COL25A1: variants seen among roughly 807,000 people sequenced by gnomAD.
The protein encoded by COL25A1 is collagen type XXV alpha 1 chain, also known as collagen alpha-1(XXV) chain.
Under a neutral mutation model 128.4 loss-of-function variants are expected in COL25A1, and 103 were observed. That is an observed-to-expected ratio of 0.80 (90% confidence interval 0.68 to 0.94). The LOEUF (loss-of-function observed/expected upper bound fraction) is 0.94. COL25A1 is among the 40% of genes least tolerant of loss of function. The pLI is 0.00. For synonymous variants in COL25A1, 279 were observed against 277.2 expected, an observed-to-expected ratio of 1.01 and a Z score of -0.06; for missense variants, 745 against 840.0, an observed-to-expected ratio of 0.89 and a Z score of 1.40.
chr4:108,917,752 A>T (rs1377941948), intron 13 of COL25A1, among the ~76,000 whole-genome samples: 1 of 152,244 alleles, frequency 6.6e-6, no homozygotes, highest in East Asian at 1.9e-4. Flanking sequence ...GGATTCAGAA[A>T]GTTTGACTAG....
At chr4:109,177,276 T>C (rs1774189484) in intron 3 of COL25A1, among the ~76,000 whole-genome samples, 1 of 152,140 alleles carries the variant, frequency 6.6e-6, no homozygotes, top group Non-Finnish European at 1.5e-5. Context: ...TCATTGTCTG[T>C]AGAGTGAGGG....
chr4:108,903,400 C>T (rs1021197515), intron 13 of COL25A1, among the ~76,000 whole-genome samples: 9 of 151,934 alleles, frequency 5.9e-5, no homozygotes, highest in Admixed American at 2.0e-4. Flanking sequence ...AATCTTTATA[C>T]GCACATTTGT....
chr4:109,066,062 G>A (rs1261035541), intron 3 of COL25A1, among the ~76,000 whole-genome samples: 1 of 152,098 alleles, frequency 6.6e-6, no homozygotes, highest in East Asian at 1.9e-4. Context: ...TTGAAGCAAA[G>A]CTTAGTGACA....
chr4:108,880,133 G>T (rs1739952643), intron 19 of COL25A1, among the ~76,000 whole-genome samples: 1 of 152,264 alleles, frequency 6.6e-6, no homozygotes, highest in Admixed American at 6.5e-5. Flanking sequence ...TATGAAAAAT[G>T]TCTTGGGTTA....
intron 13 of COL25A1, among the ~76,000 whole-genome samples, chr4:108,909,295 C>G (rs1743926001): frequency 6.6e-6 from 1 of 152,194 alleles, no homozygotes; most frequent in Admixed American, 6.5e-5. Context: ...CAGTTTCAAT[C>G]TCTTTGTCCA....
chr4:109,044,520 T>C (rs1760234779), intron 5 of COL25A1, among the ~76,000 whole-genome samples: 1 of 152,166 alleles, frequency 6.6e-6, no homozygotes, highest in Admixed American at 6.5e-5. Flanking sequence ...TTGGAGCACA[T>C]TTCATAATGA....
At chr4:109,127,056 G>C (rs78581373) in intron 3 of COL25A1, among the ~76,000 whole-genome samples, 1 of 152,178 alleles carries the variant, frequency 6.6e-6, no homozygotes, top group African/African-American at 2.4e-5. Flanking sequence ...CTTCAGAAGA[G>C]TGAATAAGAA....
intron 3 of COL25A1, among the ~76,000 whole-genome samples, chr4:109,249,544 A>G (rs1459041936): frequency 2.6e-5 from 4 of 152,192 alleles, no homozygotes; most frequent in African/African-American, 4.8e-5. Flanking sequence ...TCAGTATAAT[A>G]CAGTAAATAA....
At chr4:109,111,508 A>G (rs3113725) in intron 3 of COL25A1, among the ~76,000 whole-genome samples, 32,292 of 152,004 alleles carry the variant, frequency 0.21, 4,081 homozygotes, top group East Asian at 0.39. Flanking sequence ...ATGTGCCCTC[A>G]CTGTCTTGCA....
At chr4:109,195,748 A>G (rs1011507293) in intron 3 of COL25A1, among the ~76,000 whole-genome samples, 1 of 152,220 alleles carries the variant, frequency 6.6e-6, no homozygotes, top group African/African-American at 2.4e-5. Flanking sequence ...ACTGGGTCCC[A>G]CATGCTGTGA....
At chr4:109,111,015 T>C (rs567967643) in intron 3 of COL25A1, among the ~76,000 whole-genome samples, 98 of 152,316 alleles carry the variant, frequency 6.4e-4, no homozygotes, top group Middle Eastern at 3.4e-3. Flanking sequence ...GCATTTTTCA[T>C]TGTCTACAGG....
At chr4:108,902,917 A>AT (rs1743011439) in intron 13 of COL25A1, among the ~76,000 whole-genome samples, 1 of 152,006 alleles carries the variant, frequency 6.6e-6, no homozygotes, top group African/African-American at 2.4e-5. Context: ...AAAAAGACCT[A>AT]TGGAGTCTGC....
intron 31 of COL25A1, among the ~76,000 whole-genome samples, chr4:108,835,154 T>A (rs1283367993): frequency 6.6e-6 from 1 of 152,350 alleles, no homozygotes; most frequent in East Asian, 1.9e-4. Flanking sequence ...AATGCATGCT[T>A]TTCTTCACTT....
intron 6 of COL25A1, among the ~76,000 whole-genome samples, chr4:109,009,833 C>T (rs1297661179): frequency 6.6e-6 from 1 of 152,132 alleles, no homozygotes; most frequent in African/African-American, 2.4e-5. Context: ...AAAATTTGCT[C>T]ATTTTCTTCA....
intron 9 of COL25A1, among the ~76,000 whole-genome samples, chr4:108,940,895 A>G (rs913913908): frequency 1.3e-5 from 2 of 152,218 alleles, no homozygotes; most frequent in South Asian, 4.1e-4. Flanking sequence ...AGTTCTTGGA[A>G]ATAGTGTGTA....
intron 3 of COL25A1, among the ~76,000 whole-genome samples, chr4:109,203,029 C>T (rs1776699427): frequency 6.6e-6 from 1 of 151,908 alleles, no homozygotes; most frequent in South Asian, 2.1e-4. Context: ...ACCTTCTTCC[C>T]CCAAAAGTCC....
chr4:108,942,121 C>G (rs1440710810), intron 8 of COL25A1: 1 of 1,347,582 alleles, frequency 7.4e-7, no homozygotes, highest in East Asian at 2.5e-5. Context: ...AGGAAGCCAA[C>G]GGGCTCGGCA....
chr4:108,966,648 G>A (rs534324660), intron 8 of COL25A1, among the ~76,000 whole-genome samples: 9 of 152,106 alleles, frequency 5.9e-5, no homozygotes, highest in African/African-American at 1.9e-4. Flanking sequence ...CCAGGAGTTC[G>A]AGGCCAGCCT....
At position 108,810,913 on chromosome 4, in the gene COL25A1, G is replaced by A. The variant is rs1730746082; in HGVS notation, c.*3014C>T. On this transcript the variant is annotated 3_prime_UTR_variant, in exon 38 of 38. Coordinates refer to ENST00000399132, the MANE Select transcript of COL25A1 (RefSeq NM_198721.4). ...TATTGTCCATAGAGAAAAAGGAAAA[G>A]AGATACATTAGCACCAACCAACATA... 6.6e-6 allele frequency: 1 copy of A among 151,786 alleles called. No homozygotes were observed. Among genetic ancestry groups the A allele is most frequent in the Non-Finnish European group, 1.5e-5 (1 of 67,874 alleles). The allele number at this position is 151,786 out of a possible 1,614,324, so 9.4% of individuals were successfully genotyped here.
Sources: gnomAD v4.1 joint callset for allele counts (sites outside exome capture counted in the v4.1 genomes callset) on GRCh38, gnomAD v4.1.1 for gene constraint, MANE v1.5 for transcripts, NCBI Gene and HGNC (gene_info 2026-07-23, HGNC 2026-07-21) for gene names.